Variants in TMEM63C observed in about 807,000 individuals in gnomAD.
The protein encoded by TMEM63C is osmosensitive cation channel TMEM63C.
TMEM63C carries 32 observed loss-of-function variants against 99.2 expected under a neutral mutation model. That is an observed-to-expected ratio of 0.32 (90% CI 0.24 to 0.43). The LOEUF is 0.43. TMEM63C is among the 20% of genes least tolerant of loss of function. TMEM63C has a pLI of 1.00. For missense variants in TMEM63C, 826 were observed against 1,053.0 expected, an observed-to-expected ratio of 0.78 and a Z score of 2.98; for synonymous variants, 376 against 397.9, an observed-to-expected ratio of 0.94 and a Z score of 0.66.
At chr14:77,211,705 C>T (rs1413153283) in intron 1 of TMEM63C, among the ~76,000 whole-genome samples, 1 of 152,192 alleles carries the variant, frequency 6.6e-6, no homozygotes, top group Non-Finnish European at 1.5e-5. Context: ...TTTTTGAAGC[C>T]TTTGCCCAGT....
intron 1 of TMEM63C, among the ~76,000 whole-genome samples, chr14:77,197,798 C>A (rs1888236447): frequency 6.6e-6 from 1 of 152,212 alleles, no homozygotes. Flanking sequence ...ATATCATTTG[C>A]CTTGCATGTA....
chr14:77,202,959 G>A (rs913199966), intron 1 of TMEM63C, among the ~76,000 whole-genome samples: 1 of 152,176 alleles, frequency 6.6e-6, no homozygotes, highest in African/African-American at 2.4e-5. Context: ...TCCTCTCTGG[G>A]TGTCCAGCAC....
At chr14:77,208,925 G>A (rs1001916928) in intron 1 of TMEM63C, among the ~76,000 whole-genome samples, 4 of 152,156 alleles carry the variant, frequency 2.6e-5, no homozygotes, top group Admixed American at 2.0e-4. Context: ...AGGGGCAGCG[G>A]GATCATTGCT....
intron 18 of TMEM63C, among the ~76,000 whole-genome samples, chr14:77,248,099 T>C (rs1889294076): frequency 6.6e-6 from 1 of 152,160 alleles, no homozygotes; most frequent in African/African-American, 2.4e-5. Flanking sequence ...AACACACCCA[T>C]GCTTTATGTG....
intron 8 of TMEM63C, among the ~76,000 whole-genome samples, chr14:77,234,409 G>A (rs56323742): frequency 0.018 from 2,758 of 152,268 alleles, 80 homozygotes; most frequent in African/African-American, 0.063. Flanking sequence ...CAGGGATATC[G>A]GCTCCTTCCC....
At chr14:77,219,005 G>A in intron 3 of TMEM63C, 42 bp downstream of exon 3, 2 of 1,480,926 alleles carry the variant, frequency 1.4e-6, no homozygotes. Flanking sequence ...TAAAGCCTCA[G>A]ACAGGGTCGA....
At chr14:77,246,728 T>A in intron 18 of TMEM63C, 54 bp downstream of exon 18, 1 of 1,456,720 alleles carries the variant, frequency 6.9e-7, no homozygotes, top group Non-Finnish European at 9.6e-7. Flanking sequence ...CAGGAGTGGT[T>A]ATATGTGCTC....
intron 1 of TMEM63C, among the ~76,000 whole-genome samples, chr14:77,182,285 C>T (rs1028860743): frequency 6.6e-6 from 1 of 152,054 alleles, no homozygotes; most frequent in Non-Finnish European, 1.5e-5. Context: ...CGGGGCTCTG[C>T]CGCCCACTCT....
intron 1 of TMEM63C, among the ~76,000 whole-genome samples, chr14:77,208,732 C>T (rs999340297): frequency 2.2e-4 from 33 of 152,360 alleles, no homozygotes; most frequent in Admixed American, 1.8e-3. Flanking sequence ...AGAGACTTGG[C>T]ACAGGGCCTG....
At chr14:77,215,488 C>G (rs1888563063) in intron 2 of TMEM63C, among the ~76,000 whole-genome samples, 1 of 150,698 alleles carries the variant, frequency 6.6e-6, no homozygotes, top group Non-Finnish European at 1.5e-5. Context: ...GTAGTCCGAG[C>G]TACTCAGGAG....
intron 6 of TMEM63C, among the ~76,000 whole-genome samples, chr14:77,228,826 T>C (rs1320130161): frequency 6.6e-6 from 1 of 152,044 alleles, no homozygotes; most frequent in African/African-American, 2.4e-5. Context: ...CATAAGCCAC[T>C]GCACCCGGCC....
At position 77,248,444 on chromosome 14, in the gene TMEM63C, C is replaced by G; in HGVS notation, c.1699C>G (p.Leu567Val). ...CATGGAGCTGCTGCGTCTGGGGTCA[C>G]TCTTCTGCTACAGCACCCGCCTCTT... The part of the protein sequence containing the change: ...TGMELLRLGS[L>V]FCYSTRLFFS... Residue 567 changes from leucine to valine, a missense_variant, in exon 19 of 24, where the codon CTC (leucine) becomes GTC (valine). Coordinates refer to ENST00000298351, the MANE Select transcript of TMEM63C (RefSeq NM_020431.4). 1.3e-6 allele frequency: 2 copies of G among 1,581,358 alleles called. No individual in the cohort carries two copies. Among genetic ancestry groups the G allele is most frequent in the Non-Finnish European group, 1.7e-6 (2 of 1,164,126 alleles).
chr14:77,240,947 CT>C lies in TMEM63C; in HGVS notation c.1064+354del, dbSNP rs533958957. Among the ~76,000 whole-genome samples, 230 of 67,130 alleles carry C rather than the reference CT, an allele frequency of 3.4e-3. 2 individuals carry two copies. The highest frequency in any genetic ancestry group is 7.8e-3 in the Middle Eastern group (1 of 128). 44.0% of individuals were successfully genotyped at this position (67,130 alleles called of 152,430 possible). On this transcript the variant is annotated intron_variant, in intron 13 of 23. Coordinates refer to ENST00000298351, the MANE Select transcript of TMEM63C (RefSeq NM_020431.4). ...TCCCTTTTTCTTTTTTTTTTTTTTTCTTTTTTTTTTTTTTTCTTTTTTTGAG... is the reference window on the plus strand; with the variant it reads ...TCCCTTTTTCTTTTTTTTTTTTTTTCTTTTTTTTTTTTTTCTTTTTTTGAG...
chr14:77,199,349 G>C (rs774828104), intron 1 of TMEM63C, among the ~76,000 whole-genome samples: 1 of 152,044 alleles, frequency 6.6e-6, no homozygotes, highest in Non-Finnish European at 1.5e-5. Flanking sequence ...CAATAGCTCC[G>C]CACTGCCTAC....
At chr14:77,212,647 T>G (rs948348792) in intron 1 of TMEM63C, among the ~76,000 whole-genome samples, 1 of 152,238 alleles carries the variant, frequency 6.6e-6, no homozygotes, top group African/African-American at 2.4e-5. Flanking sequence ...GGCTTGGTGC[T>G]GCTTTAGGTT....
chr14:77,242,643 T>C (rs924646231), intron 14 of TMEM63C, among the ~76,000 whole-genome samples, 174 bp downstream of exon 14: 28 of 152,094 alleles, frequency 1.8e-4, no homozygotes, highest in African/African-American at 6.0e-4. Flanking sequence ...TTCCCACAAG[T>C]GTGGGTGGCA....
intron 1 of TMEM63C, among the ~76,000 whole-genome samples, chr14:77,210,499 G>A (rs1357865415): frequency 6.6e-6 from 1 of 152,174 alleles, no homozygotes; most frequent in Non-Finnish European, 1.5e-5. Flanking sequence ...AAAGATTTAT[G>A]GCCAGCAGAC....
At position 77,240,567 on chromosome 14, in the gene TMEM63C, C is replaced by G; in HGVS notation, c.1023C>G (p.Asp341Glu). The change falls in exon 13 of 24, where the codon GAC (aspartate) becomes GAG (glutamate). Residue 341 changes from aspartate to glutamate, a missense_variant. Transcript: ENST00000298351. ...ACCGCGTGCCGCTCAAGCGGCTGGA[C>G]CTGATCTTTGTCACCTTCCAGGACT... ...ELNRVPLKRL[D>E]LIFVTFQDSR... 6.2e-7 allele frequency: 1 copy of G among 1,611,588 alleles called. No individual in the cohort carries two copies. Among genetic ancestry groups the G allele is most frequent in the Non-Finnish European group, 8.5e-7 (1 of 1,179,870 alleles).
chr14:77,214,309 C>T (rs1327145325), intron 2 of TMEM63C, among the ~76,000 whole-genome samples: 3 of 152,252 alleles, frequency 2.0e-5, no homozygotes, highest in African/African-American at 7.2e-5. Context: ...ACTGTAAGTG[C>T]CTTGCTCAAG....
Sources: gnomAD v4.1 joint callset for allele counts (sites outside exome capture counted in the v4.1 genomes callset) on GRCh38, gnomAD v4.1.1 for gene constraint, MANE v1.5 for transcripts, NCBI Gene and HGNC (gene_info 2026-07-23, HGNC 2026-07-21) for gene names.